FILIP1L: variants seen among roughly 807,000 people sequenced by gnomAD.
The protein encoded by FILIP1L is filamin A interacting protein 1 like, also known as filamin A-interacting protein 1-like.
Under a neutral mutation model 96.6 loss-of-function variants are expected in FILIP1L, and 55 were observed. That is an observed-to-expected ratio of 0.57 (90% CI 0.46 to 0.71). The LOEUF (loss-of-function observed/expected upper bound fraction) is 0.71. Ranked by LOEUF, FILIP1L falls within the 30% of genes least tolerant of loss-of-function variation. FILIP1L has a pLI of 0.00. For synonymous variants in FILIP1L, 467 were observed against 473.9 expected, an observed-to-expected ratio of 0.99 and a Z score of 0.19; for missense variants, 1,304 against 1,321.2, an observed-to-expected ratio of 0.99 and a Z score of 0.20.
intron 1 of FILIP1L, among the ~76,000 whole-genome samples, chr3:100,011,183 TAAG>T (rs966292905): frequency 6.6e-6 from 1 of 152,150 alleles, no homozygotes; most frequent in Non-Finnish European, 1.5e-5. Context: ...CTTTCATTAG[TAAG>T]AAGGATGTCT....
At chr3:99,893,077 T>C (rs1479911363) in intron 4 of FILIP1L, among the ~76,000 whole-genome samples, 4 of 152,086 alleles carry the variant, frequency 2.6e-5, no homozygotes, top group Admixed American at 2.0e-4. Context: ...TCTCAAGTGT[T>C]ACTGGGAAGA....
intron 4 of FILIP1L, among the ~76,000 whole-genome samples, chr3:99,884,787 A>G (rs1705839476): frequency 6.6e-6 from 1 of 152,226 alleles, no homozygotes; most frequent in Non-Finnish European, 1.5e-5. Flanking sequence ...ATTGAGGCAA[A>G]TGTGTATACA....
At chr3:99,836,841 TG>T (rs1942919636) in intron 5 of FILIP1L, among the ~76,000 whole-genome samples, 2 of 152,240 alleles carry the variant, frequency 1.3e-5, no homozygotes, top group African/African-American at 4.8e-5. Flanking sequence ...TCAGCCATTG[TG>T]TCTGAACCAA....
chr3:100,023,447 TGAA>T (rs577168478), intron 1 of FILIP1L: 90 of 152,688 alleles, frequency 5.9e-4, no homozygotes, highest in African/African-American at 2.0e-3. Context: ...TAAAGTTAAT[TGAA>T]GAATTCCTTG....
intron 1 of FILIP1L, among the ~76,000 whole-genome samples, chr3:100,094,143 A>G (rs1029261884): frequency 2.6e-5 from 4 of 152,126 alleles, no homozygotes; most frequent in Non-Finnish European, 5.9e-5. Context: ...GTGTAGTGAT[A>G]TTTCATTTTG....
intron 4 of FILIP1L, among the ~76,000 whole-genome samples, chr3:99,851,660 A>G (rs938542483): frequency 1.3e-5 from 2 of 152,230 alleles, no homozygotes; most frequent in Admixed American, 6.5e-5. Flanking sequence ...TATTTATCAA[A>G]TGGCTTGCTT....
chr3:99,954,932 A>G (rs1434231254), intron 1 of FILIP1L, among the ~76,000 whole-genome samples: 3 of 152,270 alleles, frequency 2.0e-5, no homozygotes, highest in Non-Finnish European at 2.9e-5. Flanking sequence ...ATAAGCCCAC[A>G]ATAAATGTTA....
chr3:99,926,620 T>A (rs1162627492), intron 3 of FILIP1L, among the ~76,000 whole-genome samples: 1 of 152,258 alleles, frequency 6.6e-6, no homozygotes, highest in Non-Finnish European at 1.5e-5. Context: ...ACATTAGAAT[T>A]AATGTATGAA....
chr3:99,965,964 T>C (rs6805884), intron 1 of FILIP1L, among the ~76,000 whole-genome samples: 51,056 of 151,976 alleles, frequency 0.34, 9,738 homozygotes, highest in East Asian at 0.5. Context: ...TCTCCCCATA[T>C]GTAAGCCCCT....
At chr3:99,869,133 T>C (rs545741809) in intron 4 of FILIP1L, among the ~76,000 whole-genome samples, 1 of 152,332 alleles carries the variant, frequency 6.6e-6, no homozygotes, top group Admixed American at 6.5e-5. Context: ...AGTAGAGTTT[T>C]GTTCCTCTTG....
chr3:100,088,180 T>G (rs1399313845), intron 1 of FILIP1L, among the ~76,000 whole-genome samples: 1 of 152,202 alleles, frequency 6.6e-6, no homozygotes, highest in Non-Finnish European at 1.5e-5. Flanking sequence ...AAGTGAAATT[T>G]GGGAGCTTGC....
At chr3:100,051,871 T>G (rs1231157322) in intron 1 of FILIP1L, among the ~76,000 whole-genome samples, 1 of 148,574 alleles carries the variant, frequency 6.7e-6, no homozygotes, top group Non-Finnish European at 1.5e-5. Flanking sequence ...GTATATAATT[T>G]AATGTAATAT....
intron 5 of FILIP1L, among the ~76,000 whole-genome samples, chr3:99,834,976 G>A (rs149745760): frequency 3.9e-5 from 6 of 152,210 alleles, no homozygotes; most frequent in African/African-American, 1.4e-4. Flanking sequence ...CTAAAGTTTC[G>A]GGTGTTAGGT....
chr3:100,058,293 T>C (rs1237500854), intron 1 of FILIP1L, among the ~76,000 whole-genome samples: 1 of 152,248 alleles, frequency 6.6e-6, no homozygotes, highest in African/African-American at 2.4e-5. Flanking sequence ...TTGGAGATTT[T>C]AGAAACTGTG....
chr3:100,013,862 A>G (rs978075833), intron 1 of FILIP1L, among the ~76,000 whole-genome samples: 2 of 152,142 alleles, frequency 1.3e-5, no homozygotes, highest in African/African-American at 4.8e-5. Context: ...TCAAGTGTAC[A>G]ATATGTTGTT....
intron 1 of FILIP1L, among the ~76,000 whole-genome samples, chr3:100,058,676 C>G (rs1164338165): frequency 1.3e-5 from 2 of 152,186 alleles, no homozygotes; most frequent in Admixed American, 6.5e-5. Flanking sequence ...ATTTTACACC[C>G]TCAAACCCAG....
chr3:99,832,158 C>T (rs944590671), intron 5 of FILIP1L, among the ~76,000 whole-genome samples: 6 of 151,810 alleles, frequency 4.0e-5, no homozygotes, highest in African/African-American at 1.5e-4. Context: ...ATTTTCATTA[C>T]GTAGTTTTTA....
intron 4 of FILIP1L, among the ~76,000 whole-genome samples, chr3:99,883,985 G>A (rs895946997): frequency 6.6e-6 from 1 of 152,174 alleles, no homozygotes; most frequent in Admixed American, 6.5e-5. Context: ...GGGGTAAACA[G>A]TACTAACAGA....
chr3:99,960,566 A>G (rs1399541365), intron 1 of FILIP1L, among the ~76,000 whole-genome samples: 3 of 152,150 alleles, frequency 2.0e-5, no homozygotes, highest in African/African-American at 7.2e-5. Context: ...TCTTGCCCAA[A>G]TCATTCTTTA....
Sources: gnomAD v4.1 joint callset for allele counts (sites outside exome capture counted in the v4.1 genomes callset) on GRCh38, gnomAD v4.1.1 for gene constraint, MANE v1.5 for transcripts, NCBI Gene and HGNC (gene_info 2026-07-23, HGNC 2026-07-21) for gene names.